Variants in DYNLT2B observed in about 807,000 individuals in gnomAD.
DYNLT2B encodes dynein light chain Tctex-type protein 2B.
In DYNLT2B, 14 loss-of-function variants were observed where a neutral mutation model predicts 19.5. The observed-to-expected ratio is 0.72, with a 90% CI of 0.47 to 1.12. The LOEUF (loss-of-function observed/expected upper bound fraction) is 1.12. Ranked by LOEUF, DYNLT2B falls within the 50% of genes most tolerant of loss-of-function variation. The probability of loss-of-function intolerance (pLI) is 0.00; values close to 1 mark genes in which losing one functional copy is unlikely to be tolerated. For synonymous variants in DYNLT2B, 70 were observed against 59.7 expected (o/e 1.17, Z -0.79); for missense variants, 133 against 174.7 (o/e 0.76, Z 1.35).
intron 3 of DYNLT2B, 169 bp from the exon 4 acceptor site, chr3:196,296,238 G>A: frequency 1.7e-6 from 1 of 577,324 alleles, no homozygotes; most frequent in Non-Finnish European, 3.0e-6. Context: ...GAGTATACTG[G>A]GTAAACCGGA....
At chr3:196,315,898 C>T (rs1355959164) in intron 2 of DYNLT2B, among the ~76,000 whole-genome samples, 200 bp downstream of exon 2, 1 of 151,990 alleles carries the variant, frequency 6.6e-6, no homozygotes, top group South Asian at 2.1e-4. Flanking sequence ...AGACATGAGG[C>T]CTCACCATGT....
intron 3 of DYNLT2B, among the ~76,000 whole-genome samples, chr3:196,301,938 C>T (rs555549678): frequency 6.6e-6 from 1 of 151,992 alleles, no homozygotes; most frequent in Non-Finnish European, 1.5e-5. Context: ...ACCTAAAAGG[C>T]CAATAGAAAA....
chr3:196,317,062 G>GGTGTGT (rs140998103), intron 1 of DYNLT2B, among the ~76,000 whole-genome samples: 2 of 52,274 alleles, frequency 3.8e-5, no homozygotes, highest in Non-Finnish European at 7.4e-5. Context: ...GTGTGTGTGT[G>GGTGTGT]GTGTGTGTGT....
chr3:196,318,110 C>A lies in DYNLT2B; in HGVS notation c.43G>T (p.Val15Leu). 1 of 1,508,014 alleles carries A rather than the reference C, an allele frequency of 6.6e-7. No homozygotes were observed. Among genetic ancestry groups the A allele is most frequent in the Non-Finnish European group, 8.8e-7 (1 of 1,134,678 alleles). 93.4% of individuals were successfully genotyped at this position (1,508,014 alleles called of 1,614,324 possible). ...CCTGCGTTCTTCTCAGCCTCAGGCA[C>A]CCCGTCGCCCACCGAGAAGGACACT... ...IGVSFSVGDG[V>L]PEAEKNAGEP... is the part of the protein sequence containing the mutation. The change falls in exon 1 of 5, where the codon GTG (valine) becomes TTG (leucine). Residue 15 changes from valine (V) to leucine (L), a missense_variant. Physicochemically the swap from Val to Leu is conservative, Grantham distance 32. Transcript: ENST00000325318.
At chr3:196,315,507 C>T (rs111458416) in intron 2 of DYNLT2B, among the ~76,000 whole-genome samples, 1 of 151,618 alleles carries the variant, frequency 6.6e-6, no homozygotes, top group Admixed American at 6.6e-5. Flanking sequence ...GTGATCCACC[C>T]GCCTCAGCCT....
chr3:196,296,297 G>A, intron 3 of DYNLT2B: 1 of 468,708 alleles, frequency 2.1e-6, no homozygotes, highest in Non-Finnish European at 3.8e-6. Flanking sequence ...GACCAGCCAG[G>A]TACTCTGACA....
chr3:196,294,203 T>C (rs1232232472), intron 4 of DYNLT2B, among the ~76,000 whole-genome samples: 4 of 151,790 alleles, frequency 2.6e-5, no homozygotes, highest in African/African-American at 9.7e-5. Flanking sequence ...ATTACAAAAT[T>C]AGCCAGGTGT....
At chr3:196,308,187 G>A (rs1055562437) in intron 2 of DYNLT2B, among the ~76,000 whole-genome samples, 2 of 152,116 alleles carry the variant, frequency 1.3e-5, no homozygotes, top group Non-Finnish European at 2.9e-5. Context: ...AGAGCCAGTG[G>A]GGGCAGTTCC....
At chr3:196,296,839 CAGG>C (rs746729804) in intron 3 of DYNLT2B, among the ~76,000 whole-genome samples, 1 of 152,040 alleles carries the variant, frequency 6.6e-6, no homozygotes, top group Non-Finnish European at 1.5e-5. Flanking sequence ...CATTTGAGCC[CAGG>C]AGTTCAGGGA....
chr3:196,301,337 T>G (rs370558187), intron 3 of DYNLT2B, among the ~76,000 whole-genome samples: 3 of 152,224 alleles, frequency 2.0e-5, no homozygotes, highest in South Asian at 4.1e-4. Flanking sequence ...GACAAAGCCA[T>G]ATACATGATT....
At chr3:196,309,247 T>C (rs565380535) in intron 2 of DYNLT2B, among the ~76,000 whole-genome samples, 81 of 152,112 alleles carry the variant, frequency 5.3e-4, no homozygotes, top group Admixed American at 1.2e-3. Flanking sequence ...AAGACCACCA[T>C]CTCCACAAAA....
At chr3:196,317,261 T>G (rs867875276) in intron 1 of DYNLT2B, among the ~76,000 whole-genome samples, 3 of 84,144 alleles carry the variant, frequency 3.6e-5, no homozygotes, top group Non-Finnish European at 2.5e-5. Flanking sequence ...CCTGACATTT[T>G]TTTTCAGTGT....
At chr3:196,317,345 G>GC (rs530284731) in intron 1 of DYNLT2B, among the ~76,000 whole-genome samples, 1 of 79,016 alleles carries the variant, frequency 1.3e-5, no homozygotes, top group African/African-American at 4.1e-5. Flanking sequence ...CTCTGCTCTG[G>GC]CCCGTGAGCC....
At chr3:196,293,646 A>ATTTTT (rs533399548) in intron 4 of DYNLT2B, among the ~76,000 whole-genome samples, 19 of 118,896 alleles carry the variant, frequency 1.6e-4, no homozygotes, top group East Asian at 1.5e-3. Flanking sequence ...AACAAGATGC[A>ATTTTT]TTTTTTTTTT....
intron 3 of DYNLT2B, among the ~76,000 whole-genome samples, chr3:196,306,126 A>G (rs1404667281): frequency 6.6e-6 from 1 of 151,998 alleles, no homozygotes; most frequent in Non-Finnish European, 1.5e-5. Context: ...AAAAGAAAAT[A>G]ATAGGTCTGG....
intron 3 of DYNLT2B, among the ~76,000 whole-genome samples, chr3:196,302,175 CAT>C (rs762101243): frequency 2.6e-5 from 4 of 152,086 alleles, no homozygotes; most frequent in African/African-American, 9.7e-5. Flanking sequence ...GCATAAGAGA[CAT>C]GTGGAATACT....
chr3:196,311,778 C>T (rs1726651644), intron 2 of DYNLT2B, among the ~76,000 whole-genome samples: 2 of 152,026 alleles, frequency 1.3e-5, no homozygotes, highest in African/African-American at 4.8e-5. Flanking sequence ...CCTTCACCCC[C>T]CAGGTTCAAG....
chr3:196,295,932 A>C (rs988210838), intron 4 of DYNLT2B, 74 bp downstream of exon 4: 4 of 1,228,110 alleles, frequency 3.3e-6, no homozygotes, highest in African/African-American at 1.5e-5. Context: ...TTTCCATCCC[A>C]ATCAACAGTA....
At chr3:196,311,557 T>TATTCC (rs1726643615) in intron 2 of DYNLT2B, among the ~76,000 whole-genome samples, 2 of 152,114 alleles carry the variant, frequency 1.3e-5, no homozygotes, top group African/African-American at 4.8e-5. Context: ...AAATTTCCTT[T>TATTCC]ATATGGAAAG....
Sources: allele counts gnomAD v4.1 joint callset (sites outside exome capture counted in the v4.1 genomes callset), GRCh38; gene constraint gnomAD v4.1.1; transcripts MANE v1.5; gene names NCBI Gene and HGNC (gene_info 2026-07-23, HGNC 2026-07-21).